Variants in FHIT observed in about 807,000 individuals in gnomAD.
FHIT encodes fragile histidine triad diadenosine triphosphatase.
A neutral mutation model predicts 17.9 loss-of-function variants in FHIT; 19 were observed. The ratio of observed to expected loss-of-function variants is 1.06; its 90% CI spans 0.74 to 1.56. FHIT has a LOEUF of 1.56. Among genes scored for constraint, FHIT ranks in the 40% most tolerant of loss-of-function variants. The pLI, the probability that FHIT is intolerant of heterozygous loss-of-function variation, is 0.00. For missense variants in FHIT, 248 were observed against 189.2 expected, an observed-to-expected ratio of 1.31 and a Z score of -1.82; for synonymous variants, 81 against 69.7, an observed-to-expected ratio of 1.16 and a Z score of -0.81.
At chr3:60,878,891 G>T (rs1704818395) in intron 3 of FHIT, among the ~76,000 whole-genome samples, 1 of 152,104 alleles carries the variant, frequency 6.6e-6, no homozygotes, top group East Asian at 1.9e-4. Flanking sequence ...GTCTATCATT[G>T]TTGGATATAT....
At chr3:60,209,019 C>G (rs1028681906) in intron 5 of FHIT, among the ~76,000 whole-genome samples, 1 of 152,100 alleles carries the variant, frequency 6.6e-6, no homozygotes, top group African/African-American at 2.4e-5. Context: ...CACTTCGACT[C>G]AGACATAAAG....
chr3:60,209,638 T>C (rs1052175196), intron 5 of FHIT, among the ~76,000 whole-genome samples: 1 of 152,008 alleles, frequency 6.6e-6, no homozygotes, highest in Admixed American at 6.6e-5. Flanking sequence ...GGAAAGTGAG[T>C]GAAAAACCAT....
chr3:60,675,158 G>T (rs192356368), intron 4 of FHIT, among the ~76,000 whole-genome samples: 2 of 152,180 alleles, frequency 1.3e-5, no homozygotes, highest in Non-Finnish European at 2.9e-5. Flanking sequence ...AACAGTTGCC[G>T]CATACATTTT....
At chr3:60,929,483 C>T (rs1352292656) in intron 3 of FHIT, among the ~76,000 whole-genome samples, 2 of 152,150 alleles carry the variant, frequency 1.3e-5, no homozygotes, top group Non-Finnish European at 2.9e-5. Flanking sequence ...AGCCCAAAAT[C>T]TCCTTAAGCT....
At chr3:60,310,952 G>A (rs191679037) in intron 5 of FHIT, among the ~76,000 whole-genome samples, 49 of 151,960 alleles carry the variant, frequency 3.2e-4, no homozygotes, top group African/African-American at 9.2e-4. Flanking sequence ...TGCATTTAGC[G>A]CATACTTCTT....
chr3:60,610,944 C>T (rs1241248162), intron 4 of FHIT, among the ~76,000 whole-genome samples: 3 of 152,150 alleles, frequency 2.0e-5, no homozygotes, highest in Non-Finnish European at 4.4e-5. Context: ...TGAATGACAT[C>T]AGGCCATGTA....
chr3:60,968,851 C>T (rs952323332), intron 3 of FHIT, among the ~76,000 whole-genome samples: 2 of 152,066 alleles, frequency 1.3e-5, no homozygotes, highest in African/African-American at 2.4e-5. Context: ...CTCAGTTTTA[C>T]TCTATTAATA....
chr3:60,404,142 G>C (rs1039968282), intron 5 of FHIT, among the ~76,000 whole-genome samples: 1 of 152,100 alleles, frequency 6.6e-6, no homozygotes, highest in African/African-American at 2.4e-5. Context: ...CAACCAATGA[G>C]AATACTTTCG....
At chr3:60,116,191 T>C (rs1313258020) in intron 5 of FHIT, among the ~76,000 whole-genome samples, 2 of 152,158 alleles carry the variant, frequency 1.3e-5, no homozygotes, top group Non-Finnish European at 2.9e-5. Context: ...GGAGAACTTC[T>C]GGAGAAAGAG....
chr3:60,973,977 A>T (rs1421748726), intron 3 of FHIT, among the ~76,000 whole-genome samples: 2 of 152,224 alleles, frequency 1.3e-5, no homozygotes, highest in Non-Finnish European at 2.9e-5. Flanking sequence ...CCTGTTTATT[A>T]TCCAGGGTGA....
chr3:60,283,865 A>G (rs1707587306), intron 5 of FHIT, among the ~76,000 whole-genome samples: 1 of 152,098 alleles, frequency 6.6e-6, no homozygotes, highest in Admixed American at 6.5e-5. Context: ...AGGGAAAATA[A>G]AAGAAGTTTC....
intron 5 of FHIT, among the ~76,000 whole-genome samples, chr3:60,095,075 G>T (rs1420321757): frequency 1.3e-5 from 2 of 152,078 alleles, no homozygotes; most frequent in Non-Finnish European, 2.9e-5. Context: ...AACACCAAAT[G>T]GGCTTCATTA....
intron 5 of FHIT, among the ~76,000 whole-genome samples, chr3:60,161,759 A>G (rs2107367421): frequency 6.6e-6 from 1 of 152,110 alleles, no homozygotes; most frequent in East Asian, 1.9e-4. Context: ...ACTACATGAA[A>G]GGAAAACAGG....
rs116154697 is a variant in FHIT at position 60,916,230 on chromosome 3, T to C, written c.-110-94219A>G. Reference sequence around the variant, plus strand: ...ATGCCATGGCGAATATTTTTGTACATAGAATTTTGTGCACCTGCATGACTA... The same window carrying C: ...ATGCCATGGCGAATATTTTTGTACACAGAATTTTGTGCACCTGCATGACTA... On this transcript the variant is annotated intron_variant, in intron 3 of 9. Transcript: ENST00000492590. Among the ~76,000 whole-genome samples the C allele has an allele frequency of 2.6e-3, 390 of 152,326 alleles. 3 individuals are homozygous for C. Among genetic ancestry groups the C allele is most frequent in the African/African-American group, 9.1e-3 (380 of 41,584 alleles).
At chr3:60,326,496 G>T (rs1051786291) in intron 5 of FHIT, among the ~76,000 whole-genome samples, 27 of 152,124 alleles carry the variant, frequency 1.8e-4, no homozygotes, top group African/African-American at 6.3e-4. Context: ...GGAGTGATGG[G>T]GGAGCGGCTG....
chr3:59,946,746 C>T lies in FHIT; in HGVS notation c.280-24332G>A, dbSNP rs190638234. 8.9e-4 allele frequency among the ~76,000 whole-genome samples: 135 copies of T among 152,244 alleles called. No homozygotes were observed. In the East Asian group the frequency reaches 0.014, roughly 15 times the overall value. ...AAGGATGTCTAATTTTATCAAAAGG[C>T]TTTTCTACATCTATTGAGATAATCA... On this transcript the variant is annotated intron_variant, in intron 7 of 9. Transcript: ENST00000492590.
chr3:60,418,372 GTGTGTATATA>G (rs66588025), intron 5 of FHIT, among the ~76,000 whole-genome samples: 139 of 5,324 alleles, frequency 0.026, 5 homozygotes, highest in Admixed American at 0.031. Context: ...GTATCTGAAT[GTGTGTATATA>G]TATATATATA....
intron 5 of FHIT, among the ~76,000 whole-genome samples, chr3:60,095,416 C>T (rs1235241443): frequency 1.3e-5 from 2 of 152,184 alleles, no homozygotes; most frequent in African/African-American, 2.4e-5. Context: ...ATTTCCCTCC[C>T]GTGTACATTT....
In FHIT at chr3:60,414,777, A is replaced by G. The variant is rs181598131; in HGVS notation, c.103+122083T>C. ...AGGAAGGCATTTCTGTTAATAGTAG[A>G]AGATGTGAGCATGCAATTATTGTAA... is the stretch of plus-strand genomic sequence containing the variant. On this transcript the variant is annotated intron_variant, in intron 5 of 9. Coordinates refer to ENST00000492590, the MANE Select transcript of FHIT (RefSeq NM_002012.4). 2.8e-4 allele frequency among the ~76,000 whole-genome samples: 43 copies of G among 152,338 alleles called. 1 individual carries two copies. Among genetic ancestry groups the G allele is most frequent in the Admixed American group, 2.4e-3 (36 of 15,300 alleles).
Sources: allele counts gnomAD v4.1 joint callset (sites outside exome capture counted in the v4.1 genomes callset), GRCh38; gene constraint gnomAD v4.1.1; transcripts MANE v1.5; gene names NCBI Gene and HGNC (gene_info 2026-07-23, HGNC 2026-07-21).